The following BABAM2 variants were observed in gnomAD, a reference collection of about 807,000 sequenced individuals.
BABAM2 encodes BRISC and BRCA1-A complex member 2.
A neutral mutation model predicts 54.7 loss-of-function variants in BABAM2; 31 were observed. The ratio of observed to expected loss-of-function variants is 0.57; its 90% CI spans 0.43 to 0.77. The LOEUF is 0.77. Among genes scored for constraint, BABAM2 ranks in the 30% least tolerant of loss-of-function variants. The pLI is 0.00. For synonymous variants in BABAM2, 167 were observed against 162.9 expected, an observed-to-expected ratio of 1.03 and a Z score of -0.19; for missense variants, 364 against 455.8, an observed-to-expected ratio of 0.80 and a Z score of 1.83.
intron 2 of BABAM2, among the ~76,000 whole-genome samples, chr2:27,902,465 A>G (rs1665860190): frequency 6.6e-6 from 1 of 152,204 alleles, no homozygotes; most frequent in East Asian, 1.9e-4. Context: ...TACATCTTCT[A>G]TTTTATTAGA....
intron 7 of BABAM2, among the ~76,000 whole-genome samples, chr2:28,136,481 T>C (rs1670551953): frequency 6.6e-6 from 1 of 152,232 alleles, no homozygotes; most frequent in South Asian, 2.1e-4. Context: ...CAGGTCTGGC[T>C]GGAGAGGCAG....
intron 7 of BABAM2, among the ~76,000 whole-genome samples, chr2:28,156,886 T>G (rs1326038386): frequency 6.6e-6 from 1 of 152,228 alleles, no homozygotes; most frequent in African/African-American, 2.4e-5. Context: ...TACAAATTTT[T>G]AAATGGAACT....
chr2:28,026,949 A>AT lies in BABAM2; in HGVS notation c.495+1529_495+1530insT, dbSNP rs1558667991. ...ATAAATATATATATAAATATATATTAATATATATAAATATATATATAAATA... is the reference window on the plus strand; with the variant it reads ...ATAAATATATATATAAATATATATTATATATATATAAATATATATATAAATA... On this transcript the variant is annotated intron_variant, in intron 5 of 11. Coordinates refer to ENST00000379624, the MANE Select transcript of BABAM2 (RefSeq NM_199191.3). Among the ~76,000 whole-genome samples the AT allele has an allele frequency of 3.1e-3, 10 of 3,254 alleles. No individual in the cohort carries two copies. The Non-Finnish European group carries it at 0.06, about 20-fold the overall frequency. 2.1% of individuals were successfully genotyped at this position (3,254 alleles called of 152,430 possible). A position where few individuals can be genotyped will look rare whatever the true frequency, so the allele number is the denominator to read the frequency against.
At chr2:28,006,859 A>G (rs1299357733) in intron 4 of BABAM2, among the ~76,000 whole-genome samples, 1 of 152,062 alleles carries the variant, frequency 6.6e-6, no homozygotes, top group African/African-American at 2.4e-5. Flanking sequence ...GGTGTCATAT[A>G]TAAAAATTAC....
Position 28,182,948 on chromosome 2 carries a change from C to T in BABAM2, c.680+53568C>T, listed in dbSNP as rs530260818. ...TGGGAAGCACACATCTAGTCCAACC[C>T]TTCCACTTACTTTACAAGATAGACC... On this transcript the variant is annotated intron_variant, in intron 7 of 11. Transcript: ENST00000379624. Among the ~76,000 whole-genome samples, 6 of 152,266 alleles carry T rather than the reference C, an allele frequency of 3.9e-5. No homozygotes were observed. In the South Asian group the frequency reaches 1.0e-3, roughly 26 times the overall value.
chr2:28,323,190 G>T (rs1690175542), intron 11 of BABAM2, among the ~76,000 whole-genome samples: 1 of 152,234 alleles, frequency 6.6e-6, no homozygotes, highest in Non-Finnish European at 1.5e-5. Flanking sequence ...CCCATTACTA[G>T]CACAGGAGTG....
intron 9 of BABAM2, among the ~76,000 whole-genome samples, chr2:28,242,328 G>C (rs1175836323): frequency 6.6e-6 from 1 of 152,182 alleles, no homozygotes. Flanking sequence ...CACCATGGGC[G>C]CCTCTGGCTG....
intron 10 of BABAM2, among the ~76,000 whole-genome samples, chr2:28,297,838 G>A (rs570320517): frequency 2.6e-5 from 4 of 152,110 alleles, no homozygotes; most frequent in South Asian, 2.1e-4. Flanking sequence ...CACTCTTACC[G>A]CTTCTCCAAA....
At chr2:28,013,098 G>A (rs1375192685) in intron 4 of BABAM2, among the ~76,000 whole-genome samples, 2 of 152,156 alleles carry the variant, frequency 1.3e-5, no homozygotes, top group Non-Finnish European at 2.9e-5. Flanking sequence ...TGATGGGCAA[G>A]AAGGGACATC....
chr2:28,191,925 G>T (rs1201817767), intron 7 of BABAM2, among the ~76,000 whole-genome samples: 2 of 152,176 alleles, frequency 1.3e-5, no homozygotes, highest in African/African-American at 4.8e-5. Context: ...AAAGAAAAAA[G>T]AACTGATTGC....
At chr2:27,902,439 T>G (rs1427847358) in intron 2 of BABAM2, among the ~76,000 whole-genome samples, 1 of 152,248 alleles carries the variant, frequency 6.6e-6, no homozygotes, top group African/African-American at 2.4e-5. Context: ...ATAGAATTAC[T>G]AGCTCTTAAG....
At chr2:27,890,489 AC>A (rs1345844970), upstream of BABAM2, 3 of 657,110 alleles carry the variant, frequency 4.6e-6, no homozygotes. The surrounding 1 kb of genome is among the most constrained non-coding windows in gnomAD (Gnocchi z 4.8). Context: ...GCCCGAAATC[AC>A]CCCGCCCACC....
chr2:28,187,785 C>T (rs1676475489), intron 7 of BABAM2, among the ~76,000 whole-genome samples: 2 of 150,566 alleles, frequency 1.3e-5, no homozygotes, highest in African/African-American at 4.9e-5. Flanking sequence ...TATCCTGCCT[C>T]AGCTGCCCAA....
intron 11 of BABAM2, among the ~76,000 whole-genome samples, chr2:28,299,213 A>G (rs1687925651): frequency 6.6e-6 from 1 of 152,234 alleles, no homozygotes; most frequent in Non-Finnish European, 1.5e-5. Context: ...GTAGGATTTC[A>G]TAGAGGTCGA....
intron 1 of BABAM2, among the ~76,000 whole-genome samples, chr2:27,893,564 A>G (rs541311698): frequency 2.6e-4 from 39 of 152,340 alleles, no homozygotes; most frequent in African/African-American, 8.7e-4. Context: ...TATTTATTAA[A>G]AAATGTTTAT....
rs978747354 is a variant in BABAM2, at chr2:28,044,699, G to T, written c.496-1026G>T. ...TTTTAAGATGTGTTTAGGGGAGTTT[G>T]TGCTGCTCATTTTTTAAAGAGCGGG... On this transcript the variant is annotated intron_variant, in intron 5 of 11. Coordinates refer to ENST00000379624, the MANE Select transcript of BABAM2 (RefSeq NM_199191.3). Among the ~76,000 whole-genome samples, 19 of 152,328 alleles carry T rather than the reference G, an allele frequency of 1.2e-4. No individual in the cohort carries two copies. The East Asian group carries it at 3.1e-3, about 25-fold the overall frequency.
chr2:28,282,602 T>TA (rs1436508900), intron 10 of BABAM2, among the ~76,000 whole-genome samples: 1 of 152,220 alleles, frequency 6.6e-6, no homozygotes, highest in African/African-American at 2.4e-5. Context: ...AAGCCAGGCT[T>TA]ACTCCTAGTA....
At chr2:28,186,293 C>T (rs1676270741) in intron 7 of BABAM2, among the ~76,000 whole-genome samples, 1 of 152,192 alleles carries the variant, frequency 6.6e-6, no homozygotes, top group Admixed American at 6.5e-5. Flanking sequence ...CATCCCACTT[C>T]TATCTGTGGT....
chr2:28,192,502 A>T (rs1573802202), intron 7 of BABAM2, among the ~76,000 whole-genome samples: 2 of 147,398 alleles, frequency 1.4e-5, no homozygotes, highest in Non-Finnish European at 1.5e-5. Flanking sequence ...TATTCATTTG[A>T]CTGGGTTTAT....
Sources: allele counts gnomAD v4.1 joint callset (sites outside exome capture counted in the v4.1 genomes callset), GRCh38; gene constraint gnomAD v4.1.1; non-coding constraint Gnocchi (gnomAD v3.1); transcripts MANE v1.5; gene names NCBI Gene and HGNC (gene_info 2026-07-23, HGNC 2026-07-21).